The following AKAP9 variants were observed in gnomAD, a reference collection of about 807,000 sequenced individuals.
AKAP9 encodes the protein A-kinase anchor protein 9.
In AKAP9, 311 loss-of-function variants were observed where a neutral mutation model predicts 488.5. The observed-to-expected ratio is 0.64, with a 90% confidence interval of 0.58 to 0.70. The LOEUF (loss-of-function observed/expected upper bound fraction) is 0.70. AKAP9 is among the 30% of genes least tolerant of loss of function. AKAP9 has a pLI of 0.00. For missense variants in AKAP9, 4,215 were observed against 4,374.5 expected (o/e 0.96, Z 1.03); for synonymous variants, 1,462 against 1,483.5 (o/e 0.99, Z 0.33).
In AKAP9 at chr7:92,060,875, G is replaced by C. The variant is rs561319742; in HGVS notation, c.5602-385G>C. Among the ~76,000 whole-genome samples the C allele has an allele frequency of 2.0e-4, 31 of 152,166 alleles. 1 individual carries two copies. The highest frequency in any genetic ancestry group is 2.0e-3 in the Admixed American group (31 of 15,274). On this transcript the variant is annotated intron_variant, in intron 22 of 49. Transcript: ENST00000356239. ...CAATCCGTAAATACTAAATGTAGAA[G>C]AAAGTTTATCATAGACTGTATAGTT... is the stretch of plus-strand genomic sequence containing the variant.
rs530251250 is a variant in AKAP9, at chr7:91,964,504, A to C, written c.49-9207A>C. On this transcript the variant is annotated intron_variant, in intron 1 of 49. Coordinates refer to ENST00000356239, the MANE Select transcript of AKAP9 (RefSeq NM_005751.5). Reference sequence around the variant, plus strand: ...CATTGGATAAATGGGTACAATGTACACTATTTGGGTAATGCCTACCCTAAA... The same window carrying C: ...CATTGGATAAATGGGTACAATGTACCCTATTTGGGTAATGCCTACCCTAAA... Among the ~76,000 whole-genome samples, 19 of 152,314 alleles carry C rather than the reference A, an allele frequency of 1.2e-4. No homozygotes were observed. In the South Asian group the frequency reaches 2.9e-3, roughly 23 times the overall value.
At position 92,079,440 on chromosome 7, in the gene AKAP9, A is replaced by C; in HGVS notation, c.7307A>C (p.Glu2436Ala). ...LTQELFSLKRERESVEKIQSI... is the reference protein window; with the variant it reads ...LTQELFSLKRARESVEKIQSI... ...CAGGAATTATTCAGCTTAAAGAGAG[A>C]ACGTGAAAGTGTGGAAAAGATTCAA... is the stretch of plus-strand genomic sequence containing the variant. Residue 2436 changes from glutamate (E) to alanine (A), a missense_variant, in exon 31 of 50, where the codon GAA becomes GCA. Glu to Ala is a moderately radical substitution (Grantham distance 107). Coordinates refer to ENST00000356239, the MANE Select transcript of AKAP9 (RefSeq NM_005751.5). The C allele has an allele frequency of 6.2e-7, 1 of 1,614,100 alleles. No homozygotes were observed. Among genetic ancestry groups the C allele is most frequent in the Non-Finnish European group, 8.5e-7 (1 of 1,179,998 alleles).
intron 3 of AKAP9, among the ~76,000 whole-genome samples, chr7:91,988,264 C>T (rs1023323877): frequency 3.6e-5 from 5 of 137,322 alleles, no homozygotes; most frequent in Non-Finnish European, 7.6e-5. Context: ...ACCACTGGCA[C>T]TCCAGCCTTG....
intron 1 of AKAP9, among the ~76,000 whole-genome samples, chr7:91,947,980 A>G (rs1044609069): frequency 6.6e-6 from 1 of 152,206 alleles, no homozygotes; most frequent in African/African-American, 2.4e-5. Flanking sequence ...CTAGCCACTA[A>G]CAATCACCAA....
rs1356051712 is a variant in AKAP9 at position 92,040,863 on chromosome 7, G to T, written c.4882G>T (p.Glu1628Ter). ...GCGAGAAGACCAGGAACAGCTACAA[G>T]AAGAGATTAAGAGACTTAATAGACA... ...RQREDQEQLQEEIKRLNRQLA... is the reference protein window; with the variant it reads ...RQREDQEQLQ The change falls in exon 18 of 50, where the codon GAA (glutamate) becomes TAA (stop). Residue 1628 changes from glutamate to a stop codon, truncating the protein, a stop_gained. Coordinates refer to ENST00000356239, the MANE Select transcript of AKAP9 (RefSeq NM_005751.5). LOFTEE classifies it high-confidence loss of function. 1 of 1,613,832 alleles carries T rather than the reference G, an allele frequency of 6.2e-7. No homozygotes were observed. Among genetic ancestry groups the T allele is most frequent in the South Asian group, 1.1e-5 (1 of 91,056 alleles).
chr7:92,098,075 A>C, intron 42 of AKAP9, 34 bp from the exon 43 acceptor site: 1 of 1,381,866 alleles, frequency 7.2e-7, no homozygotes, highest in Non-Finnish European at 1.0e-6. Flanking sequence ...CCAATTGAGA[A>C]GGTATGTTTT....
At chr7:91,954,966 A>C (rs1792765193) in intron 1 of AKAP9, among the ~76,000 whole-genome samples, 1 of 152,230 alleles carries the variant, frequency 6.6e-6, no homozygotes, top group Non-Finnish European at 1.5e-5. Flanking sequence ...TAACATGTTT[A>C]ATAGGTTGAT....
Position 92,002,733 on chromosome 7 carries a change from C to A in AKAP9, c.2816C>A (p.Thr939Lys). 6.2e-7 allele frequency: 1 copy of A among 1,613,578 alleles called. No homozygotes were observed. The highest frequency in any genetic ancestry group is 1.1e-5 in the South Asian group (1 of 91,046). ...GGTGAGGTTGTTGAAAAGGATACAA[C>A]AGAACTCATGGAAAAACTTGAGGTA... ...EMGEVVEKDT[T>K]ELMEKLEVTK... is the part of the protein sequence containing the mutation. The change falls in exon 8 of 50, where the codon ACA (threonine) becomes AAA (lysine). Residue 939 changes from threonine to lysine, a missense_variant. This residue lies in a region of AKAP9 where 2,361 missense variants were observed against 2,430.0 expected (regional missense o/e 0.97). Coordinates refer to ENST00000356239, the MANE Select transcript of AKAP9 (RefSeq NM_005751.5).
intron 37 of AKAP9, among the ~76,000 whole-genome samples, chr7:92,087,609 C>A (rs1814795378): frequency 1.3e-5 from 2 of 151,672 alleles, no homozygotes; most frequent in Non-Finnish European, 2.9e-5. Context: ...TTAATATATT[C>A]TCCACTGAAA....
intron 21 of AKAP9, 67 bp downstream of exon 21, chr7:92,045,280 A>T: frequency 6.8e-7 from 1 of 1,470,856 alleles, no homozygotes; most frequent in Non-Finnish European, 9.5e-7. Context: ...GCATTTTGCC[A>T]TGTGTTGAAA....
chr7:92,026,611 A>G (rs1217880966), intron 14 of AKAP9, among the ~76,000 whole-genome samples: 1 of 152,202 alleles, frequency 6.6e-6, no homozygotes, highest in Non-Finnish European at 1.5e-5. Context: ...CTGGGATTGC[A>G]GACGGAGTCT....
chr7:92,064,159 A>T (rs188205592), intron 24 of AKAP9, among the ~76,000 whole-genome samples: 1 of 152,278 alleles, frequency 6.6e-6, no homozygotes, highest in East Asian at 1.9e-4. Flanking sequence ...TGCTCCTTCT[A>T]AATCAGGAAG....
rs1563008544 is a variant in AKAP9, at chr7:92,027,694, CGCCCCGTCTGGG to C, written c.4149-2200_4149-2189del. Among the ~76,000 whole-genome samples the C allele has an allele frequency of 2.2e-3, 328 of 149,096 alleles. 10 individuals are homozygous for C. The highest frequency in any genetic ancestry group is 7.8e-3 in the African/African-American group (315 of 40,440). Reference sequence around the variant, plus strand: ...GATGTGAGGAGCGCCTCTGCCTGGCCGCCCCGTCTGGGATGTGAGGAGCGCCTCTGCCTGGCC... The same window carrying C: ...GATGTGAGGAGCGCCTCTGCCTGGCCATGTGAGGAGCGCCTCTGCCTGGCC... On this transcript the variant is annotated intron_variant, in intron 14 of 49. Coordinates refer to ENST00000356239, the MANE Select transcript of AKAP9 (RefSeq NM_005751.5).
chr7:91,996,396 A>G (rs758773776), intron 7 of AKAP9, among the ~76,000 whole-genome samples: 1 of 152,200 alleles, frequency 6.6e-6, no homozygotes, highest in Non-Finnish European at 1.5e-5. Context: ...AGGGAAATCA[A>G]GGTTCAGAAG....
At chr7:91,970,656 C>T in intron 1 of AKAP9, 1 of 367,608 alleles carries the variant, frequency 2.7e-6, no homozygotes, top group Non-Finnish European at 5.2e-6. Flanking sequence ...GTCCCACATC[C>T]TCCTATATGG....
intron 24 of AKAP9, among the ~76,000 whole-genome samples, chr7:92,063,252 G>T (rs893875858): frequency 6.6e-6 from 1 of 152,034 alleles, no homozygotes; most frequent in Admixed American, 6.6e-5. Context: ...GGTTTAGTTT[G>T]GGATTTTTAA....
chr7:91,981,420 A>G (rs935591110), intron 3 of AKAP9, among the ~76,000 whole-genome samples: 8 of 152,138 alleles, frequency 5.3e-5, no homozygotes, highest in Non-Finnish European at 1.2e-4. Context: ...GATGATTTAA[A>G]GTATATGGGC....
At chr7:92,041,344 C>T (rs1212127873) in intron 18 of AKAP9, 2 of 157,396 alleles carry the variant, frequency 1.3e-5, no homozygotes, top group African/African-American at 4.8e-5. Context: ...CAATTAGCAT[C>T]TCGAAGGTTT....
At chr7:92,109,468 A>C (rs548013992) in intron 49 of AKAP9, among the ~76,000 whole-genome samples, 2 of 152,280 alleles carry the variant, frequency 1.3e-5, no homozygotes, top group South Asian at 2.1e-4. Flanking sequence ...TTGAGCATCC[A>C]AATTTCACAA....
Sources: gnomAD v4.1 joint callset for allele counts (sites outside exome capture counted in the v4.1 genomes callset) on GRCh38, gnomAD v4.1.1 for gene constraint, gnomAD v4.1.1 regional missense constraint, MANE v1.5 for transcripts, NCBI Gene and HGNC (gene_info 2026-07-23, HGNC 2026-07-21) for gene names.